Variants in ATG10 observed in about 807,000 individuals in gnomAD.
ATG10 encodes the protein ubiquitin-like-conjugating enzyme ATG10.
A neutral mutation model predicts 32.1 loss-of-function variants in ATG10; 30 were observed. The observed-to-expected ratio is 0.94, with a 90% CI of 0.70 to 1.27. The LOEUF (loss-of-function observed/expected upper bound fraction) is 1.27, where lower values mean the gene tolerates loss of function less well. Ranked by LOEUF, ATG10 falls within the 50% of genes most tolerant of loss-of-function variation. The pLI is 0.00. For synonymous variants in ATG10, 87 were observed against 91.5 expected (o/e 0.95, Z 0.28); for missense variants, 233 against 262.3 (o/e 0.89, Z 0.77).
chr5:81,978,295 C>T (rs975667542), intron 1 of ATG10, among the ~76,000 whole-genome samples: 4 of 152,130 alleles, frequency 2.6e-5, no homozygotes, highest in Admixed American at 1.3e-4. Context: ...GTCTCAAACT[C>T]CTGACCTCAG....
chr5:82,170,773 C>T (rs1334461316), intron 4 of ATG10, among the ~76,000 whole-genome samples: 1 of 151,964 alleles, frequency 6.6e-6, no homozygotes, highest in African/African-American at 2.4e-5. Context: ...TGGTGAAACC[C>T]CATCTCTACT....
At position 81,987,718 on chromosome 5, in the gene ATG10, T is replaced by C. The variant is rs73766498; in HGVS notation, c.108+40T>C. 6,660 of 1,516,102 alleles carry C rather than the reference T, an allele frequency of 4.4e-3. 238 individuals are homozygous for C. In the African/African-American group the frequency reaches 0.077, roughly 18 times the overall value. The allele number at this position is 1,516,102 out of a possible 1,614,324, so 93.9% of individuals were successfully genotyped here. A position where few individuals can be genotyped will look rare whatever the true frequency, so the allele number is the denominator to read the frequency against. ...GTTTGTTTTCTGTCTCAAAAGAGGA[T>C]TTTTTGTTTTGTTTTGTTTTGGTTT... On this transcript the variant is annotated intron_variant, in intron 2 of 7. Transcript: ENST00000282185.
chr5:82,053,264 T>A (rs914438739), intron 2 of ATG10, among the ~76,000 whole-genome samples: 1 of 152,216 alleles, frequency 6.6e-6, no homozygotes, highest in Non-Finnish European at 1.5e-5. Flanking sequence ...CTACATGTAT[T>A]TCCTCTTTAG....
chr5:82,016,273 G>A (rs954708073), intron 2 of ATG10, among the ~76,000 whole-genome samples: 1 of 152,092 alleles, frequency 6.6e-6, no homozygotes, highest in African/African-American at 2.4e-5. Flanking sequence ...AGAGAGAGGC[G>A]AGGATCCACT....
chr5:82,043,003 C>A (rs1218363751), intron 2 of ATG10, among the ~76,000 whole-genome samples: 1 of 152,196 alleles, frequency 6.6e-6, no homozygotes, highest in Admixed American at 6.5e-5. Flanking sequence ...TGACAGTGCT[C>A]CAGTGGGGAC....
intron 5 of ATG10, among the ~76,000 whole-genome samples, chr5:82,209,034 CT>C (rs1217292756): frequency 9.4e-5 from 14 of 149,340 alleles, no homozygotes; most frequent in Admixed American, 1.3e-4. Flanking sequence ...GGGAAGGGAT[CT>C]TTTTTTTTTC....
intron 2 of ATG10, among the ~76,000 whole-genome samples, chr5:82,053,936 A>G (rs919340375): frequency 5.9e-5 from 9 of 152,214 alleles, no homozygotes; most frequent in African/African-American, 2.2e-4. Context: ...CAAAGCTCCA[A>G]GAAGAGAGCA....
intron 3 of ATG10, among the ~76,000 whole-genome samples, chr5:82,110,582 G>A (rs1210002298): frequency 3.3e-5 from 5 of 152,122 alleles, no homozygotes; most frequent in Admixed American, 6.6e-5. Flanking sequence ...GTGTCTGTTG[G>A]CTGCATAAAT....
chr5:82,174,055 C>T (rs1207913876), intron 4 of ATG10, among the ~76,000 whole-genome samples: 1 of 152,068 alleles, frequency 6.6e-6, no homozygotes, highest in Non-Finnish European at 1.5e-5. Context: ...ATCCATTTTG[C>T]TTTTGAAATA....
At chr5:82,151,966 C>T (rs1262992032) in intron 3 of ATG10, among the ~76,000 whole-genome samples, 2 of 152,086 alleles carry the variant, frequency 1.3e-5, no homozygotes, top group African/African-American at 2.4e-5. Context: ...ATTAAAATCA[C>T]CTATCAAAAC....
chr5:82,199,603 C>T (rs1744987905), intron 5 of ATG10, among the ~76,000 whole-genome samples: 1 of 152,166 alleles, frequency 6.6e-6, no homozygotes, highest in Admixed American at 6.5e-5. Context: ...TCTTTCTCTA[C>T]CTTTTAACTA....
intron 3 of ATG10, among the ~76,000 whole-genome samples, chr5:82,149,229 T>C (rs1396304801): frequency 6.6e-6 from 1 of 151,840 alleles, no homozygotes; most frequent in Admixed American, 6.6e-5. Flanking sequence ...GGTAAGCTGT[T>C]TACTAATATA....
At chr5:82,237,104 C>T (rs956102111) in intron 5 of ATG10, among the ~76,000 whole-genome samples, 3 of 151,992 alleles carry the variant, frequency 2.0e-5, no homozygotes, top group African/African-American at 7.3e-5. Context: ...AAAGGGATTG[C>T]CTTAATCATT....
At chr5:82,227,481 TCTCCTGCCTCA>T (rs1267979646) in intron 5 of ATG10, among the ~76,000 whole-genome samples, 2 of 152,114 alleles carry the variant, frequency 1.3e-5, no homozygotes, top group Non-Finnish European at 2.9e-5. Context: ...TTCAAGCGAT[TCTCCTGCCTCA>T]GCCTCCCATG....
At chr5:82,026,276 C>A (rs1210300124) in intron 2 of ATG10, among the ~76,000 whole-genome samples, 1 of 152,138 alleles carries the variant, frequency 6.6e-6, no homozygotes, top group Non-Finnish European at 1.5e-5. Flanking sequence ...TAGCATAATG[C>A]CTTCAGGGTT....
intron 4 of ATG10, among the ~76,000 whole-genome samples, chr5:82,169,258 C>T (rs1743710218): frequency 6.6e-6 from 1 of 150,466 alleles, no homozygotes; most frequent in South Asian, 2.1e-4. Context: ...GGAAGGATGT[C>T]CTAGAAATTG....
At chr5:82,157,844 G>A (rs1406932579) in intron 3 of ATG10, among the ~76,000 whole-genome samples, 2 of 152,100 alleles carry the variant, frequency 1.3e-5, no homozygotes, top group Non-Finnish European at 2.9e-5. Flanking sequence ...AGTGATGTTA[G>A]GTTTGAACTA....
At chr5:82,054,922 A>T (rs1425320897) in intron 2 of ATG10, among the ~76,000 whole-genome samples, 1 of 152,202 alleles carries the variant, frequency 6.6e-6, no homozygotes, top group African/African-American at 2.4e-5. Context: ...TACAAAAAGA[A>T]TGCAGGGAAG....
At chr5:82,015,223 T>A (rs1223265460) in intron 2 of ATG10, among the ~76,000 whole-genome samples, 1 of 152,238 alleles carries the variant, frequency 6.6e-6, no homozygotes, top group Non-Finnish European at 1.5e-5. Context: ...CTTCCCTTTG[T>A]GGGTAACCCG....
Sources: allele counts gnomAD v4.1 joint callset (sites outside exome capture counted in the v4.1 genomes callset), GRCh38; gene constraint gnomAD v4.1.1; transcripts MANE v1.5; gene names NCBI Gene and HGNC (gene_info 2026-07-23, HGNC 2026-07-21).